The following MTCH2 variants were observed in gnomAD, a reference collection of about 807,000 sequenced individuals.
MTCH2 encodes the protein mitochondrial carrier homolog 2.
A neutral mutation model predicts 50.6 loss-of-function variants in MTCH2; 25 were observed. The observed-to-expected ratio is 0.49, with a 90% confidence interval of 0.36 to 0.69. MTCH2 has a LOEUF of 0.69. Ranked by LOEUF, MTCH2 falls within the 30% of genes least tolerant of loss-of-function variation. The pLI is 0.00. For missense variants in MTCH2, 273 were observed against 384.4 expected, an observed-to-expected ratio of 0.71 and a Z score of 2.42; for synonymous variants, 106 against 132.0, an observed-to-expected ratio of 0.80 and a Z score of 1.35.
intron 1 of MTCH2, among the ~76,000 whole-genome samples, chr11:47,641,636 C>G (rs2097314288): frequency 6.6e-6 from 1 of 152,166 alleles, no homozygotes; most frequent in South Asian, 2.1e-4. Context: ...TATAAAATAC[C>G]ATGTAATAAT....
At chr11:47,629,187 A>G (rs1328397102) in intron 8 of MTCH2, 141 bp from the exon 9 acceptor site, 1 of 667,950 alleles carries the variant, frequency 1.5e-6, no homozygotes. Context: ...ACCAGAATCC[A>G]GCCCGCATAC....
At chr11:47,604,401 CA>C in the MTCH2 span, among the ~76,000 whole-genome samples, 4 of 152,190 alleles carry the variant, frequency 2.6e-5, no homozygotes, top group Middle Eastern at 0.014. Context: ...GACATTCATA[CA>C]TTTTTAGTAG....
intron 4 of MTCH2, 31 bp downstream of exon 4, chr11:47,635,514 C>T: frequency 6.2e-7 from 1 of 1,610,822 alleles, no homozygotes; most frequent in Non-Finnish European, 8.5e-7. Flanking sequence ...AAGGGAAAGG[C>T]CCTCATGCTT....
At chr11:47,632,790 C>T (rs923087245) in intron 5 of MTCH2, among the ~76,000 whole-genome samples, 1 of 151,976 alleles carries the variant, frequency 6.6e-6, no homozygotes, top group Non-Finnish European at 1.5e-5. Flanking sequence ...CCTCCACCTC[C>T]CAGGTTCAAG....
intron 8 of MTCH2, 109 bp downstream of exon 8, chr11:47,630,446 G>C: frequency 1.0e-6 from 1 of 993,004 alleles, no homozygotes; most frequent in African/African-American, 1.6e-5. Flanking sequence ...CGTGAGGTAA[G>C]CCCAGGGAGT....
chr11:47,638,888 T>C (rs984191966), intron 2 of MTCH2, 79 bp downstream of exon 2: 18 of 1,575,102 alleles, frequency 1.1e-5, no homozygotes, highest in Non-Finnish European at 1.6e-5. Flanking sequence ...AAGCTTTCTA[T>C]ATATTTTCTT....
intron 5 of MTCH2, 56 bp downstream of exon 5, chr11:47,634,616 T>C: frequency 3.7e-6 from 5 of 1,339,304 alleles, no homozygotes; most frequent in Middle Eastern, 1.8e-4. Flanking sequence ...GATTCCATAG[T>C]TGCAACACCA....
intron 12 of MTCH2, among the ~76,000 whole-genome samples, chr11:47,622,475 T>C (rs1292641897): frequency 6.6e-6 from 1 of 152,220 alleles, no homozygotes; most frequent in Non-Finnish European, 1.5e-5. Context: ...CTAGGGATTC[T>C]TTCTTCTTCA....
At chr11:47,640,908 T>C (rs1161977369) in intron 1 of MTCH2, among the ~76,000 whole-genome samples, 3 of 152,058 alleles carry the variant, frequency 2.0e-5, no homozygotes, top group Non-Finnish European at 4.4e-5. Flanking sequence ...TTTTGTTTTG[T>C]TTTTTTGAGG....
At chr11:47,627,989 T>C (rs2097299573) in intron 9 of MTCH2, among the ~76,000 whole-genome samples, 1 of 152,202 alleles carries the variant, frequency 6.6e-6, no homozygotes, top group South Asian at 2.1e-4. Flanking sequence ...ATACAGTCCC[T>C]GGAAAACCAC....
chr11:47,625,662 C>G lies in MTCH2; in HGVS notation c.749+12G>C. ...CAACCACCTACTAGAATAAGAAATA[C>G]AAAGTGCTTACCCACAGTTGTTGAC... On this transcript the variant is annotated intron_variant, in intron 11 of 12. Coordinates refer to ENST00000302503, the MANE Select transcript of MTCH2 (RefSeq NM_014342.4). 3 of 1,601,932 alleles carry G rather than the reference C, an allele frequency of 1.9e-6. No individual in the cohort carries two copies. In the South Asian group the frequency reaches 3.3e-5, roughly 18 times the overall value.
chr11:47,613,977 T>A (rs1351877156), downstream of MTCH2, among the ~76,000 whole-genome samples: 2 of 151,972 alleles, frequency 1.3e-5, no homozygotes, highest in East Asian at 3.9e-4. Context: ...TCCCAGCTAC[T>A]TGGGAGAGTG....
intron 5 of MTCH2, among the ~76,000 whole-genome samples, chr11:47,632,817 G>A (rs571672741): frequency 3.0e-4 from 46 of 152,104 alleles, no homozygotes; most frequent in Non-Finnish European, 1.6e-4. Context: ...TCCCGCCTCA[G>A]CCTCCTGAGT....
At chr11:47,609,209 C>G in the MTCH2 span, among the ~76,000 whole-genome samples, 1 of 150,366 alleles carries the variant, frequency 6.7e-6, no homozygotes, top group East Asian at 2.0e-4. Context: ...AATCCCAGCA[C>G]TTTGGGAGGC....
intron 7 of MTCH2, 70 bp from the exon 8 acceptor site, chr11:47,630,684 T>C (rs1208755271): frequency 1.4e-6 from 2 of 1,413,422 alleles, no homozygotes; most frequent in Non-Finnish European, 2.0e-6. Flanking sequence ...ATAATTTCAA[T>C]TATCACATTG....
downstream of MTCH2, among the ~76,000 whole-genome samples, chr11:47,616,987 T>C (rs1312556171): frequency 1.3e-5 from 2 of 152,188 alleles, 1 homozygote; most frequent in Non-Finnish European, 2.9e-5. Flanking sequence ...CCCGGTCGCA[T>C]GTGTTTCTTA....
chr11:47,614,398 TTGCTCCCTTATC>T (rs757135245), downstream of MTCH2, among the ~76,000 whole-genome samples: 64 of 152,180 alleles, frequency 4.2e-4, no homozygotes, highest in Admixed American at 8.5e-4. Flanking sequence ...TTCTCCTGTC[TTGCTCCCTTATC>T]TGCCACAGTA....
chr11:47,609,457 C>CAAA, the MTCH2 span, among the ~76,000 whole-genome samples: 5 of 40,132 alleles, frequency 1.2e-4, no homozygotes, highest in South Asian at 1.3e-3. Context: ...GATTCTGTAT[C>CAAA]AAAAAAAAAA....
intron 11 of MTCH2, among the ~76,000 whole-genome samples, chr11:47,624,106 C>T (rs2097295786): frequency 6.6e-6 from 1 of 151,948 alleles, no homozygotes. Context: ...CTGGTGGGCA[C>T]CTGTAATCCC....
Sources: gnomAD v4.1 joint callset for allele counts (sites outside exome capture counted in the v4.1 genomes callset) on GRCh38, gnomAD v4.1.1 for gene constraint, MANE v1.5 for transcripts, NCBI Gene and HGNC (gene_info 2026-07-23, HGNC 2026-07-21) for gene names.